Variants in PCBD2 observed in about 807,000 individuals in gnomAD.
PCBD2 encodes the protein pterin-4-alpha-carbinolamine dehydratase 2.
In PCBD2, 12 loss-of-function variants were observed where a neutral mutation model predicts 16.4. The ratio of observed to expected loss-of-function variants is 0.73; its 90% CI spans 0.47 to 1.19. PCBD2 has a LOEUF of 1.19. Among genes scored for constraint, PCBD2 ranks in the 50% most tolerant of loss-of-function variants. PCBD2 has a pLI of 0.00. For missense variants in PCBD2, 138 were observed against 156.8 expected (o/e 0.88, Z 0.64); for synonymous variants, 58 against 61.8 (o/e 0.94, Z 0.29).
rs569032961 is a variant in PCBD2, at chr5:134,926,052, G to C, written c.216+15586G>C. 1.0e-4 allele frequency: 37 copies of C among 368,414 alleles called. No homozygotes were observed. The South Asian group carries it at 2.7e-3, about 27-fold the overall frequency. The allele number at this position is 368,414 out of a possible 1,614,324, so 22.8% of individuals were successfully genotyped here. A position where few individuals can be genotyped will look rare whatever the true frequency, so the allele number is the denominator to read the frequency against. ...CTCAGCCGATGAATAGCTGGAATAG[G>C]TTGTTAGCAGTGACTAGGATTAGTA... On this transcript the variant is annotated intron_variant, in intron 2 of 3. Transcript: ENST00000254908.
chr5:134,946,391 T>C (rs1751295878), intron 2 of PCBD2, among the ~76,000 whole-genome samples: 1 of 152,202 alleles, frequency 6.6e-6, no homozygotes, highest in South Asian at 2.1e-4. Context: ...GAAACATGGC[T>C]CTGGCAGGCT....
chr5:134,942,866 A>G (rs1204902448), intron 2 of PCBD2, among the ~76,000 whole-genome samples: 2 of 152,208 alleles, frequency 1.3e-5, no homozygotes, highest in Non-Finnish European at 1.5e-5. Flanking sequence ...TCCTGGTCTG[A>G]TGCTCTTTCC....
intron 2 of PCBD2, among the ~76,000 whole-genome samples, chr5:134,913,430 CAG>C (rs1177706907): frequency 2.0e-5 from 3 of 152,134 alleles, no homozygotes; most frequent in East Asian, 1.9e-4. Context: ...ACAGCAAGCA[CAG>C]AGTTTCCAAA....
intron 2 of PCBD2, chr5:134,925,930 A>G (rs1580883654): frequency 2.6e-6 from 1 of 391,424 alleles, no homozygotes; most frequent in East Asian, 3.6e-5. Context: ...GATGTCGCCG[A>G]TACGGTTGTA....
intron 1 of PCBD2, 148 bp downstream of exon 1, chr5:134,905,371 G>T (rs966813281): frequency 3.2e-6 from 2 of 623,558 alleles, no homozygotes; most frequent in East Asian, 3.7e-5. Context: ...CGCGTCCCGG[G>T]ACTGACCACC....
At position 134,910,454 on chromosome 5, in the gene PCBD2, C is replaced by A. The variant is rs959624320; in HGVS notation, c.204C>A (p.His68Gln). Residue 68 changes from histidine to glutamine, a missense_variant, in exon 2 of 4, where the codon CAC (histidine) becomes CAA (glutamine). By Grantham distance (24) the His-to-Gln change is conservative. Coordinates refer to ENST00000254908, the MANE Select transcript of PCBD2 (RefSeq NM_032151.5). The part of the protein sequence containing the change: ...RDAIYKEFSF[H>Q]NFNQAFGFMS... ...CCATCTACAAAGAATTCTCCTTCCA[C>A]AATTTTAATCAGGTAATTGTTATAA... 6.2e-7 allele frequency: 1 copy of A among 1,614,116 alleles called. No individual in the cohort carries two copies. Among genetic ancestry groups the A allele is most frequent in the Non-Finnish European group, 8.5e-7 (1 of 1,179,962 alleles).
chr5:134,916,273 G>A (rs1486693100), intron 2 of PCBD2, among the ~76,000 whole-genome samples: 1 of 152,128 alleles, frequency 6.6e-6, no homozygotes, highest in African/African-American at 2.4e-5. Context: ...CTGAGCGAAA[G>A]TGTGAGACTA....
At chr5:134,922,954 G>A (rs1266384059) in intron 2 of PCBD2, among the ~76,000 whole-genome samples, 1 of 152,216 alleles carries the variant, frequency 6.6e-6, no homozygotes, top group Non-Finnish European at 1.5e-5. Flanking sequence ...GGGATTACAG[G>A]CGTGAGCCAC....
intron 2 of PCBD2, among the ~76,000 whole-genome samples, chr5:134,946,832 C>G (rs926463319): frequency 6.6e-6 from 1 of 152,260 alleles, no homozygotes; most frequent in Non-Finnish European, 1.5e-5. Context: ...CTTCCTCCAC[C>G]CTTTTGGTTG....
At chr5:134,910,254 C>T in intron 1 of PCBD2, 81 bp from the exon 2 acceptor site, 1 of 1,447,372 alleles carries the variant, frequency 6.9e-7, no homozygotes, top group South Asian at 1.3e-5. Context: ...TTTTCTACAT[C>T]TCTGCTTAAG....
At chr5:134,906,287 T>A (rs1003514049) in intron 1 of PCBD2, among the ~76,000 whole-genome samples, 1 of 131,984 alleles carries the variant, frequency 7.6e-6, no homozygotes, top group Admixed American at 9.3e-5. Flanking sequence ...TATTGCAAGC[T>A]CCGCCTCCCG....
intron 2 of PCBD2, among the ~76,000 whole-genome samples, chr5:134,922,724 G>A (rs1377387221): frequency 1.3e-5 from 2 of 150,952 alleles, no homozygotes; most frequent in East Asian, 2.0e-4. Context: ...GTGCAGTGGC[G>A]TGATCTGGGC....
In PCBD2 at chr5:134,959,127, A is replaced by G. The variant is rs1561453656; in HGVS notation, c.297+7A>G. The stretch of plus-strand genomic sequence containing the variant: ...GTTCAATGTATACAACAAGGTAACT[A>G]AACTGCCTTATTTGGGAATCACCTT... On this transcript the variant is annotated splice_region_variant and intron_variant, in intron 3 of 3. Coordinates refer to ENST00000254908, the MANE Select transcript of PCBD2 (RefSeq NM_032151.5). The G allele has an allele frequency of 2.5e-6, 4 of 1,598,518 alleles. No individual in the cohort carries two copies. The highest frequency in any genetic ancestry group is 2.6e-6 in the Non-Finnish European group (3 of 1,168,752).
chr5:134,945,088 A>G (rs1751275983), intron 2 of PCBD2, among the ~76,000 whole-genome samples: 1 of 152,234 alleles, frequency 6.6e-6, no homozygotes, highest in Non-Finnish European at 1.5e-5. Context: ...ATTGCTTAAT[A>G]TATAAAGTAT....
In PCBD2 at chr5:134,905,155, G is replaced by C. The variant is rs1313810182; in HGVS notation, c.16G>C (p.Gly6Arg). Reference sequence around the variant, plus strand: ...CAGACGGCCAATGGCGGCGGTGCTCGGGGCGCTCGGGGCGACGCGGCGCTT... The same window carrying C: ...CAGACGGCCAATGGCGGCGGTGCTCCGGGCGCTCGGGGCGACGCGGCGCTT... Reference protein sequence around the residue: MAAVLGALGATRRLLA... With the variant: MAAVLRALGATRRLLA... Residue 6 changes from glycine to arginine, a missense_variant, in exon 1 of 4, where the codon GGG (glycine) becomes CGG (arginine). Transcript: ENST00000254908. The C allele has an allele frequency of 7.4e-6, 9 of 1,221,744 alleles. No individual in the cohort carries two copies. Among genetic ancestry groups the C allele is most frequent in the African/African-American group, 1.6e-5 (1 of 63,976 alleles). The allele number at this position is 1,221,744 out of a possible 1,614,324, so 75.7% of individuals were successfully genotyped here.
chr5:134,928,359 C>A lies in PCBD2; in HGVS notation c.216+17893C>A. 1.3e-5 allele frequency: 5 copies of A among 375,462 alleles called. No individual in the cohort carries two copies. In the South Asian group the frequency reaches 6.6e-4, roughly 50 times the overall value. 23.3% of individuals were successfully genotyped at this position (375,462 alleles called of 1,614,324 possible). The stretch of plus-strand genomic sequence containing the variant: ...ATATGATTATCATAATTTAATGAGT[C>A]GAAATCATTCGTTTTGTTTGAACTA... On this transcript the variant is annotated intron_variant, in intron 2 of 3. Transcript: ENST00000254908.
chr5:134,956,465 C>G (rs989133816), intron 2 of PCBD2, among the ~76,000 whole-genome samples: 1 of 152,306 alleles, frequency 6.6e-6, no homozygotes, highest in East Asian at 1.9e-4. Flanking sequence ...CGATCATCCA[C>G]TTGATCCACT....
intron 2 of PCBD2, chr5:134,926,745 G>A: frequency 7.5e-6 from 3 of 397,636 alleles, no homozygotes; most frequent in Non-Finnish European, 8.9e-6. Context: ...GTTTTCTCGT[G>A]TGAATGAGGG....
Position 134,956,665 on chromosome 5 carries a change from C to T in PCBD2, c.217-2375C>T, listed in dbSNP as rs145785348. Among the ~76,000 whole-genome samples, 701 of 152,254 alleles carry T rather than the reference C, an allele frequency of 4.6e-3. 5 individuals are homozygous for T. Among genetic ancestry groups the T allele is most frequent in the African/African-American group, 0.016 (651 of 41,556 alleles). On this transcript the variant is annotated intron_variant, in intron 2 of 3. Coordinates refer to ENST00000254908, the MANE Select transcript of PCBD2 (RefSeq NM_032151.5). ...GTTACCCCACAATGTATTATCTGTT[C>T]GTTTGCTCTACATGTGCGAGTCTCT...
Sources: allele counts gnomAD v4.1 joint callset (sites outside exome capture counted in the v4.1 genomes callset), GRCh38; gene constraint gnomAD v4.1.1; transcripts MANE v1.5; gene names NCBI Gene and HGNC (gene_info 2026-07-23, HGNC 2026-07-21).